Variants in RB1 observed in about 807,000 individuals in gnomAD.
RB1 encodes retinoblastoma-associated protein.
RB1 carries 18 observed loss-of-function variants against 135.4 expected under a neutral mutation model. That is an observed-to-expected ratio of 0.13 (90% CI 0.09 to 0.20). RB1 has a LOEUF of 0.20. RB1 is among the 10% of genes least tolerant of loss of function. The probability of loss-of-function intolerance (pLI) is 1.00; values close to 1 mark genes in which losing one functional copy is unlikely to be tolerated. For missense variants in RB1, 868 were observed against 1,110.0 expected (o/e 0.78, Z 3.10); for synonymous variants, 365 against 373.2 (o/e 0.98, Z 0.25).
chr13:48,346,428 A>G (rs1952498931), intron 4 of RB1, among the ~76,000 whole-genome samples: 1 of 146,982 alleles, frequency 6.8e-6, no homozygotes, highest in Non-Finnish European at 1.5e-5. Flanking sequence ...TTTAAAATTT[A>G]CCTAATTGTG....
At chr13:48,390,681 AATTT>A (rs1948604717) in intron 17 of RB1, among the ~76,000 whole-genome samples, 1 of 152,164 alleles carries the variant, frequency 6.6e-6, no homozygotes, top group Non-Finnish European at 1.5e-5. Context: ...TCCTTTGATG[AATTT>A]ACCTCTTTAA....
chr13:48,417,729 C>T (rs1167492494), intron 17 of RB1, among the ~76,000 whole-genome samples: 13 of 152,088 alleles, frequency 8.5e-5, no homozygotes, highest in African/African-American at 2.9e-4. Context: ...ACAAGAACTT[C>T]GTGAAGCATA....
intron 17 of RB1, among the ~76,000 whole-genome samples, chr13:48,416,831 T>G (rs1013968094): frequency 2.0e-5 from 3 of 152,118 alleles, no homozygotes; most frequent in Non-Finnish European, 4.4e-5. Context: ...AAGTTTGAAC[T>G]GGGTGGAGCC....
chr13:48,333,847 G>T (rs1428455369), intron 2 of RB1, among the ~76,000 whole-genome samples: 2 of 151,714 alleles, frequency 1.3e-5, no homozygotes, highest in African/African-American at 2.4e-5. Flanking sequence ...AGGCTCTTGG[G>T]GTAAAGTAGT....
In RB1 at chr13:48,320,509, C is replaced by T. The variant is rs1471218236; in HGVS notation, c.264+13103C>T. On this transcript the variant is annotated intron_variant, in intron 2 of 26. Coordinates refer to ENST00000267163, the MANE Select transcript of RB1 (RefSeq NM_000321.3). ...AGGGGAGGGACGCGCAGAGGGACGA[C>T]GCTTTATTTCTCTGCCAGCTTCATA... 3 of 603,080 alleles carry T rather than the reference C, an allele frequency of 5.0e-6. No individual in the cohort carries two copies. The African/African-American group carries it at 5.6e-5, about 11-fold the overall frequency. 37.4% of individuals were successfully genotyped at this position (603,080 alleles called of 1,614,324 possible).
chr13:48,420,709 G>T (rs1258189470), intron 17 of RB1, among the ~76,000 whole-genome samples: 1 of 152,162 alleles, frequency 6.6e-6, no homozygotes, highest in South Asian at 2.1e-4. Context: ...CAAAATTAAT[G>T]TGCAGAAATC....
rs1239343114 is a variant in RB1 at position 48,303,869 on chromosome 13, G to C, written c.-44G>C. On this transcript the variant is annotated 5_prime_UTR_variant, in exon 1 of 27. Coordinates refer to ENST00000267163, the MANE Select transcript of RB1 (RefSeq NM_000321.3). ...GACGTGCGCGCGCGTCGTCCTCCCC[G>C]GCGCTCCTCCACAGCTCGCTGGCTC... The C allele has an allele frequency of 6.6e-7, 1 of 1,506,820 alleles. No homozygotes were observed. The allele number at this position is 1,506,820 out of a possible 1,614,324, so 93.3% of individuals were successfully genotyped here.
At position 48,386,363 on chromosome 13, in the gene RB1, T is replaced by A. The variant is rs1948571790; in HGVS notation, c.1695+4920T>A. On this transcript the variant is annotated intron_variant, in intron 17 of 26. Transcript: ENST00000267163. Reference sequence around the variant, plus strand: ...GCTTCTAGACTACAGACCTGTATGGTATTTTTTTTTTAATCTCCACTCTTG... The same window carrying A: ...GCTTCTAGACTACAGACCTGTATGGAATTTTTTTTTTAATCTCCACTCTTG... Among the ~76,000 whole-genome samples the A allele has an allele frequency of 1.4e-4, 3 of 21,560 alleles. No individual in the cohort carries two copies. The South Asian group carries it at 7.3e-3, about 53-fold the overall frequency. The allele number at this position is 21,560 out of a possible 152,430, so 14.1% of individuals were successfully genotyped here. A position where few individuals can be genotyped will look rare whatever the true frequency, so the allele number is the denominator to read the frequency against.
In RB1 at chr13:48,446,020, C is replaced by T. The variant is rs188361114; in HGVS notation, c.1696-6973C>T. Among the ~76,000 whole-genome samples, 375 of 152,298 alleles carry T rather than the reference C, an allele frequency of 2.5e-3. 1 individual carries two copies. The highest frequency in any genetic ancestry group is 8.5e-3 in the African/African-American group (352 of 41,546). On this transcript the variant is annotated intron_variant, in intron 17 of 26. Coordinates refer to ENST00000267163, the MANE Select transcript of RB1 (RefSeq NM_000321.3). ...TCACCCAGACTAGAGTACAGTGGCA[C>T]GATCTCAGCTCACTGCAACCTCTGC...
At chr13:48,356,270 G>C (rs989128706) in intron 6 of RB1, among the ~76,000 whole-genome samples, 1 of 151,978 alleles carries the variant, frequency 6.6e-6, no homozygotes, top group Admixed American at 6.6e-5. Context: ...TGATTAAAAA[G>C]ATGGGTAGTT....
At chr13:48,422,312 A>T (rs1949018339) in intron 17 of RB1, among the ~76,000 whole-genome samples, 1 of 152,182 alleles carries the variant, frequency 6.6e-6, no homozygotes, top group African/African-American at 2.4e-5. Context: ...GTGGGAACTG[A>T]ACAATGAGAA....
chr13:48,377,953 G>A (rs1952844490), intron 13 of RB1, among the ~76,000 whole-genome samples: 1 of 152,058 alleles, frequency 6.6e-6, no homozygotes, highest in African/African-American at 2.4e-5. Context: ...TCCAAACATA[G>A]AAAAGGTAAA....
chr13:48,342,690 A>C lies in RB1; in HGVS notation c.356A>C (p.Glu119Ala), dbSNP rs1347755761. 6.2e-7 allele frequency: 1 copy of C among 1,607,430 alleles called. No homozygotes were observed. The highest frequency in any genetic ancestry group is 1.3e-5 in the African/African-American group (1 of 74,782). ...DLDEMSFTFT[E>A]LQKNIEISVH... is the part of the protein sequence containing the mutation. ...GATGAGATGTCGTTCACTTTTACTG[A>C]GCTACAGAAAAACATAGAAATCAGG... The change falls in exon 3 of 27, where the codon GAG becomes GCG. Residue 119 changes from glutamate to alanine, a missense_variant. Transcript: ENST00000267163.
At chr13:48,351,196 C>A (rs943649028) in intron 6 of RB1, among the ~76,000 whole-genome samples, 2 of 152,210 alleles carry the variant, frequency 1.3e-5, no homozygotes, top group Admixed American at 6.5e-5. Flanking sequence ...ACACTCCCAA[C>A]CAAGAGTGTA....
chr13:48,395,632 G>A (rs1184777342), intron 17 of RB1, among the ~76,000 whole-genome samples: 1 of 152,028 alleles, frequency 6.6e-6, no homozygotes, highest in Admixed American at 6.6e-5. Context: ...AAGGATATCA[G>A]AGATTGAAGA....
chr13:48,367,657 T>A, intron 10 of RB1, 54 bp downstream of exon 10: 3 of 1,568,086 alleles, frequency 1.9e-6, no homozygotes, highest in Non-Finnish European at 2.6e-6. Flanking sequence ...TTGATACTGA[T>A]ATAGGTAGAT....
chr13:48,342,025 A>G lies in RB1; in HGVS notation c.265-574A>G, dbSNP rs1325390542. Among the ~76,000 whole-genome samples the G allele has an allele frequency of 5.9e-5, 9 of 152,110 alleles. No homozygotes were observed. The South Asian group carries it at 1.4e-3, about 24-fold the overall frequency. ...ATCAATCATTAAGAACTGACTGTAT[A>G]CTATATACTACGCCAAAGGCTTTAT... On this transcript the variant is annotated intron_variant, in intron 2 of 26. Coordinates refer to ENST00000267163, the MANE Select transcript of RB1 (RefSeq NM_000321.3).
At chr13:48,350,600 CA>C (rs1470629903) in intron 6 of RB1, among the ~76,000 whole-genome samples, 10 of 152,184 alleles carry the variant, frequency 6.6e-5, no homozygotes, top group Non-Finnish European at 1.3e-4. Context: ...CTTTTAGGTT[CA>C]GGGGTACATG....
At chr13:48,411,149 G>T (rs1948792148) in intron 17 of RB1, 1 of 391,058 alleles carries the variant, frequency 2.6e-6, no homozygotes, top group Non-Finnish European at 4.7e-6. Context: ...AACTTTAAGA[G>T]ATTTTTTTTA....
Sources: gnomAD v4.1 joint callset for allele counts (sites outside exome capture counted in the v4.1 genomes callset) on GRCh38, gnomAD v4.1.1 for gene constraint, MANE v1.5 for transcripts, NCBI Gene and HGNC (gene_info 2026-07-23, HGNC 2026-07-21) for gene names.